Variants in NLGN1 observed in about 807,000 individuals in gnomAD.
The protein encoded by NLGN1 is neuroligin-1.
Under a neutral mutation model 65.5 loss-of-function variants are expected in NLGN1, and 12 were observed. The ratio of observed to expected loss-of-function variants is 0.18; its 90% confidence interval spans 0.12 to 0.30. NLGN1 has a LOEUF of 0.30. NLGN1 is among the 10% of genes least tolerant of loss of function. NLGN1 has a pLI of 1.00. For missense variants in NLGN1, 750 were observed against 1,007.1 expected (o/e 0.74, Z 3.46); for synonymous variants, 350 against 359.5 (o/e 0.97, Z 0.30).
At position 173,604,333 on chromosome 3, in the gene NLGN1, A is replaced by T. The variant is rs116420006; in HGVS notation, c.-266A>T. 7.7e-5 allele frequency: 34 copies of T among 441,374 alleles called. No individual in the cohort carries two copies. Among genetic ancestry groups the T allele is most frequent in the African/African-American group, 6.1e-4 (31 of 50,512 alleles). The allele number at this position is 441,374 out of a possible 1,614,324, so 27.3% of individuals were successfully genotyped here. On this transcript the variant is annotated 5_prime_UTR_variant, in exon 3 of 7. An upstream start codon of the reference 5' UTR is lost. Transcript: ENST00000457714. ...TTTATAAGAGAGAAATCTGCAGTCA[A>T]TGCCCACTCTTGCCACACTGCTAAT...
intron 2 of NLGN1, among the ~76,000 whole-genome samples, chr3:173,540,645 T>A (rs188349434): frequency 1.5e-4 from 23 of 152,264 alleles, no homozygotes; most frequent in Admixed American, 6.5e-4. Flanking sequence ...CCTGCCATGT[T>A]CTCAGGGGTC....
intron 2 of NLGN1, among the ~76,000 whole-genome samples, chr3:173,481,662 C>A (rs542523896): frequency 1.8e-3 from 272 of 151,704 alleles, no homozygotes; most frequent in African/African-American, 6.5e-3. Context: ...ATATTATGGT[C>A]ATTGTTAGGC....
At chr3:174,033,515 GGC>G (rs1730483045) in intron 4 of NLGN1, among the ~76,000 whole-genome samples, 1 of 151,720 alleles carries the variant, frequency 6.6e-6, no homozygotes, top group Non-Finnish European at 1.5e-5. Flanking sequence ...TATCAAATGG[GGC>G]ATTTAAAATA....
At chr3:173,585,828 C>T (rs1219330353) in intron 2 of NLGN1, among the ~76,000 whole-genome samples, 1 of 152,156 alleles carries the variant, frequency 6.6e-6, no homozygotes, top group Non-Finnish European at 1.5e-5. Flanking sequence ...TTTCTTGCAG[C>T]TGAATTCAGG....
intron 4 of NLGN1, among the ~76,000 whole-genome samples, chr3:174,005,697 C>CT (rs36063785): frequency 0.015 from 2,188 of 143,728 alleles, 27 homozygotes; most frequent in Middle Eastern, 0.058. Flanking sequence ...CTTAATTGAA[C>CT]TTTTTTTTTT....
At chr3:174,272,417 T>C (rs1577728997) in intron 4 of NLGN1, among the ~76,000 whole-genome samples, 1 of 151,912 alleles carries the variant, frequency 6.6e-6, no homozygotes, top group East Asian at 1.9e-4. Flanking sequence ...AGCAATTTAT[T>C]TAACTTTCCT....
chr3:174,007,747 A>G (rs565952750), intron 4 of NLGN1, among the ~76,000 whole-genome samples: 5 of 152,226 alleles, frequency 3.3e-5, no homozygotes, highest in African/African-American at 1.2e-4. Context: ...AATACTGTAA[A>G]CCTTAGCAGG....
At chr3:174,011,795 A>G (rs539317459) in intron 4 of NLGN1, among the ~76,000 whole-genome samples, 1 of 152,176 alleles carries the variant, frequency 6.6e-6, no homozygotes, top group Non-Finnish European at 1.5e-5. Flanking sequence ...ATATTGTTCC[A>G]GACACTGGTC....
At chr3:174,033,984 T>A (rs1301485847) in intron 4 of NLGN1, among the ~76,000 whole-genome samples, 1 of 151,848 alleles carries the variant, frequency 6.6e-6, no homozygotes, top group African/African-American at 2.4e-5. Flanking sequence ...TAGGTACAAA[T>A]AACTAACTAA....
intron 4 of NLGN1, among the ~76,000 whole-genome samples, chr3:173,895,010 TA>T (rs1382435799): frequency 2.0e-5 from 3 of 152,194 alleles, no homozygotes; most frequent in Non-Finnish European, 4.4e-5. Flanking sequence ...ATCAGCGTAT[TA>T]CAAAGACTGG....
chr3:174,260,003 AG>A (rs1214867892), intron 4 of NLGN1, among the ~76,000 whole-genome samples: 1 of 152,098 alleles, frequency 6.6e-6, no homozygotes, highest in East Asian at 1.9e-4. Flanking sequence ...GTCCCTACAA[AG>A]GACAAGAACT....
At chr3:173,467,914 C>T (rs1416397309) in intron 2 of NLGN1, among the ~76,000 whole-genome samples, 1 of 152,100 alleles carries the variant, frequency 6.6e-6, no homozygotes, top group East Asian at 1.9e-4. Context: ...CAATCTAAGG[C>T]ATAGTTGTTA....
chr3:174,218,339 A>G (rs1017890276), intron 4 of NLGN1, among the ~76,000 whole-genome samples: 12 of 151,830 alleles, frequency 7.9e-5, no homozygotes, highest in African/African-American at 2.9e-4. Context: ...GTATTGCTGC[A>G]TCATCTTTTC....
In NLGN1 at chr3:173,556,898, TA is replaced by T. The variant is rs1237170209; in HGVS notation, c.-320-47380del. On this transcript the variant is annotated intron_variant, in intron 2 of 6. Coordinates refer to ENST00000457714, the Ensembl canonical transcript of NLGN1. ...TTTAATATTTAAAGTTATTGAAACT[TA>T]TTTTTTGCCCCAGATTATGGTATAT... is the stretch of plus-strand genomic sequence containing the variant. Among the ~76,000 whole-genome samples, 5 of 152,106 alleles carry T rather than the reference TA, an allele frequency of 3.3e-5. No individual in the cohort carries two copies. In the South Asian group the frequency reaches 8.3e-4, roughly 25 times the overall value.
chr3:173,806,545 CAT>C (rs1402112193), intron 3 of NLGN1, among the ~76,000 whole-genome samples: 3 of 151,992 alleles, frequency 2.0e-5, no homozygotes, highest in Non-Finnish European at 2.9e-5. Context: ...TATAAGAGAT[CAT>C]GGGCTATTAC....
At chr3:173,749,972 A>G (rs1776090955) in intron 3 of NLGN1, among the ~76,000 whole-genome samples, 1 of 152,218 alleles carries the variant, frequency 6.6e-6, no homozygotes, top group African/African-American at 2.4e-5. Flanking sequence ...ACAGTTCCCA[A>G]ACTAAGTAAA....
chr3:174,049,355 TCAGGG>T lies in NLGN1; in HGVS notation c.647-225956_647-225952del, dbSNP rs1734310345. ...ATTTTTGAGCCAGTAAGTGGCATGA[TCAGGG>T]CAGTCCCTTAGTAAGATGCATGTGA... On this transcript the variant is annotated intron_variant, in intron 4 of 6. Transcript: ENST00000457714. 7.2e-5 allele frequency among the ~76,000 whole-genome samples: 11 copies of T among 152,190 alleles called. No homozygotes were observed. In the South Asian group the frequency reaches 2.3e-3, roughly 32 times the overall value.
rs147008413 is a variant in NLGN1, at chr3:173,950,618, G to C, written c.646+142786G>C. On this transcript the variant is annotated intron_variant, in intron 4 of 6. Transcript: ENST00000457714. ...ACCTGAGGTCAGGAGTTCAAGAACA[G>C]CCTGGCCAATGTGGCGAAACCCTGT... is the stretch of plus-strand genomic sequence containing the variant. Among the ~76,000 whole-genome samples the C allele has an allele frequency of 8.0e-3, 1,211 of 152,098 alleles. 7 individuals are homozygous for C. The highest frequency in any genetic ancestry group is 0.014 in the Non-Finnish European group (962 of 67,988).
intron 2 of NLGN1, among the ~76,000 whole-genome samples, chr3:173,536,078 T>G (rs972166539): frequency 6.6e-6 from 1 of 152,160 alleles, no homozygotes; most frequent in African/African-American, 2.4e-5. Flanking sequence ...TTGTGCTTTT[T>G]GGGTGGGTGG....
Sources: gnomAD v4.1 joint callset for allele counts (sites outside exome capture counted in the v4.1 genomes callset) on GRCh38, gnomAD v4.1.1 for gene constraint, MANE v1.5 for transcripts, NCBI Gene and HGNC (gene_info 2026-07-23, HGNC 2026-07-21) for gene names.